The following ARB2A variants were observed in gnomAD, a reference collection of about 807,000 sequenced individuals.
ARB2A encodes the protein cotranscriptional regulator ARB2A.
chr5:93,898,239 TATGC>T, the ARB2A span, among the ~76,000 whole-genome samples: 1 of 152,054 alleles, frequency 6.6e-6, no homozygotes, highest in African/African-American at 2.4e-5. Context: ...CATTGTCTTT[TATGC>T]ATGATCTTCC....
At chr5:93,828,280 T>A in the ARB2A span, among the ~76,000 whole-genome samples, 1 of 152,218 alleles carries the variant, frequency 6.6e-6, no homozygotes, top group Non-Finnish European at 1.5e-5. Context: ...AGCAGTGGTT[T>A]GCAGTTCTCC....
At chr5:93,926,329 C>T in the ARB2A span, among the ~76,000 whole-genome samples, 1 of 151,996 alleles carries the variant, frequency 6.6e-6, no homozygotes, top group African/African-American at 2.4e-5. Flanking sequence ...AGATGGGTTT[C>T]TCCATGTTGG....
the ARB2A span, among the ~76,000 whole-genome samples, chr5:93,800,936 T>C: frequency 1.3e-5 from 2 of 152,122 alleles, no homozygotes; most frequent in African/African-American, 4.8e-5. Context: ...TAAAAGACTT[T>C]AAGTTACTTT....
chr5:93,999,277 A>G, the ARB2A span, among the ~76,000 whole-genome samples: 1 of 151,934 alleles, frequency 6.6e-6, no homozygotes, highest in South Asian at 2.1e-4. Flanking sequence ...CGTAGCAGCA[A>G]AACCTTGGAG....
At chr5:93,993,870 A>G in the ARB2A span, among the ~76,000 whole-genome samples, 3 of 151,546 alleles carry the variant, frequency 2.0e-5, no homozygotes, top group Non-Finnish European at 4.4e-5. Flanking sequence ...TCAAAAATAG[A>G]AAATCAGTTT....
At chr5:93,804,874 G>A in the ARB2A span, 8 of 856,590 alleles carry the variant, frequency 9.3e-6, no homozygotes, top group Non-Finnish European at 1.1e-5. Flanking sequence ...TATACTGCAA[G>A]TTAAAAATCA....
At chr5:93,989,285 A>T in the ARB2A span, among the ~76,000 whole-genome samples, 1 of 152,188 alleles carries the variant, frequency 6.6e-6, no homozygotes, top group Non-Finnish European at 1.5e-5. Flanking sequence ...TATAATGTAC[A>T]TTCTTCCTTA....
chr5:94,005,588 C>T, the ARB2A span, among the ~76,000 whole-genome samples: 29 of 152,266 alleles, frequency 1.9e-4, 1 homozygote, highest in African/African-American at 5.3e-4. Context: ...TTAGCAAGCA[C>T]GCAAATTTGC....
At chr5:93,927,310 T>C in the ARB2A span, among the ~76,000 whole-genome samples, 1 of 152,190 alleles carries the variant, frequency 6.6e-6, no homozygotes, top group Non-Finnish European at 1.5e-5. Flanking sequence ...TTCACTGTTT[T>C]AGGAGGAAAC....
At chr5:94,075,544 CAA>C in the ARB2A span, among the ~76,000 whole-genome samples, 1 of 152,066 alleles carries the variant, frequency 6.6e-6, no homozygotes, top group Non-Finnish European at 1.5e-5. Flanking sequence ...GTATCTCCTA[CAA>C]TGTGAAAATT....
At chr5:93,691,988 C>G in the ARB2A span, among the ~76,000 whole-genome samples, 1 of 152,152 alleles carries the variant, frequency 6.6e-6, no homozygotes, top group Non-Finnish European at 1.5e-5. Context: ...GAGATTTTGT[C>G]ACCACCAGGC....
chr5:94,019,065 G>T, the ARB2A span, among the ~76,000 whole-genome samples: 1 of 152,148 alleles, frequency 6.6e-6, no homozygotes, highest in Non-Finnish European at 1.5e-5. Context: ...ATGGGGAAAT[G>T]ATTCCATATT....
At chr5:94,040,124 C>T in the ARB2A span, among the ~76,000 whole-genome samples, 1 of 152,122 alleles carries the variant, frequency 6.6e-6, no homozygotes, top group African/African-American at 2.4e-5. Context: ...AGAGGCCCCT[C>T]TTGGTAAAGT....
At chr5:93,874,688 A>G in the ARB2A span, among the ~76,000 whole-genome samples, 1 of 152,216 alleles carries the variant, frequency 6.6e-6, no homozygotes, top group Non-Finnish European at 1.5e-5. Flanking sequence ...GTTGGTCAGA[A>G]GTATGAGTGG....
the ARB2A span, among the ~76,000 whole-genome samples, chr5:93,814,402 C>A: frequency 1.3e-5 from 2 of 152,112 alleles, no homozygotes; most frequent in South Asian, 4.1e-4. Context: ...GAGACTGAGG[C>A]TGAGAATAAA....
At chr5:93,828,162 A>G in the ARB2A span, among the ~76,000 whole-genome samples, 10 of 152,092 alleles carry the variant, frequency 6.6e-5, no homozygotes, top group African/African-American at 1.7e-4. Context: ...GATGGCATTG[A>G]ATCTATAAAT....
chr5:93,656,262 A>G, the ARB2A span, among the ~76,000 whole-genome samples: 1 of 152,204 alleles, frequency 6.6e-6, no homozygotes, highest in Non-Finnish European at 1.5e-5. Context: ...AAAATTTCAA[A>G]ATTATTTAAA....
the ARB2A span, among the ~76,000 whole-genome samples, chr5:93,937,664 T>C: frequency 6.6e-6 from 1 of 151,660 alleles, no homozygotes; most frequent in Non-Finnish European, 1.5e-5. Flanking sequence ...ATACATATAA[T>C]TGTGTGTGTG....
the ARB2A span, among the ~76,000 whole-genome samples, chr5:93,850,069 C>T: frequency 6.6e-6 from 1 of 152,052 alleles, no homozygotes; most frequent in Non-Finnish European, 1.5e-5. Flanking sequence ...AATTCATTTG[C>T]CCAACATAAT....
Sources: gnomAD v4.1 joint callset for allele counts (sites outside exome capture counted in the v4.1 genomes callset) on GRCh38, gnomAD v4.1.1 for gene constraint, MANE v1.5 for transcripts, NCBI Gene and HGNC (gene_info 2026-07-23, HGNC 2026-07-21) for gene names.